CDKL5: variants seen among roughly 807,000 people sequenced by gnomAD.
CDKL5 encodes cyclin dependent kinase like 5.
In CDKL5, 8 loss-of-function variants were observed where a neutral mutation model predicts 61.7. The observed-to-expected ratio is 0.13, with a 90% CI of 0.08 to 0.23. CDKL5 has a LOEUF of 0.23. Ranked by LOEUF, CDKL5 falls within the 10% of genes least tolerant of loss-of-function variation. The pLI is 1.00. For synonymous variants in CDKL5, 275 were observed against 272.3 expected (o/e 1.01, Z -0.10); for missense variants, 440 against 734.5 (o/e 0.60, Z 4.63).
chrX:18,650,531 C>T (rs770428990), exon 21 of CDKL5: 2 of 1,211,842 alleles, frequency 1.7e-6, no homozygotes, highest in South Asian at 3.5e-5. Context: ...GAGGCACTTC[C>T]ATGTGCCCGA....
intron 1 of CDKL5, among the ~76,000 whole-genome samples, chrX:18,467,314 A>T (rs1322750717): frequency 9.0e-6 from 1 of 111,484 alleles, no homozygotes; most frequent in African/African-American, 3.3e-5. Flanking sequence ...TTTGGGTTAA[A>T]TGAAGGTTGC....
At chrX:18,435,782 A>T (rs1931596741) in intron 1 of CDKL5, among the ~76,000 whole-genome samples, 1 of 110,758 alleles carries the variant, frequency 9.0e-6, no homozygotes, top group Non-Finnish European at 1.9e-5. Context: ...GGCCAGGCTG[A>T]TTTCGAACTC....
intron 1 of CDKL5, among the ~76,000 whole-genome samples, chrX:18,471,171 T>A (rs1921081758): frequency 9.0e-6 from 1 of 110,727 alleles, no homozygotes; most frequent in Non-Finnish European, 1.9e-5. Flanking sequence ...TGGTTAAAAA[T>A]TTTTATTTTT....
chrX:18,543,381 A>AACC (rs1924090466), intron 3 of CDKL5, among the ~76,000 whole-genome samples: 1 of 109,930 alleles, frequency 9.1e-6, no homozygotes, highest in Non-Finnish European at 1.9e-5. Flanking sequence ...ACAATAAGGA[A>AACC]ACCCAGGAAC....
chrX:18,558,423 A>T (rs1924678499), intron 3 of CDKL5, among the ~76,000 whole-genome samples: 2 of 111,579 alleles, frequency 1.8e-5, no homozygotes, highest in South Asian at 7.5e-4. Context: ...CACCTTTATT[A>T]TATATCGCAT....
At chrX:18,607,259 G>T (rs769237960) in intron 12 of CDKL5, among the ~76,000 whole-genome samples, 2 of 111,491 alleles carry the variant, frequency 1.8e-5, no homozygotes, top group African/African-American at 6.5e-5. Context: ...AGCAAGAGGT[G>T]CCCATTTGCA....
intron 1 of CDKL5, among the ~76,000 whole-genome samples, chrX:18,437,904 T>G (rs1677592517): frequency 8.9e-6 from 1 of 112,048 alleles, no homozygotes; most frequent in African/African-American, 3.2e-5. Context: ...TCTTTCTTGG[T>G]GTAAAGTTGT....
intron 3 of CDKL5, among the ~76,000 whole-genome samples, chrX:18,537,808 T>C (rs944209406): frequency 1.8e-5 from 2 of 112,424 alleles, no homozygotes; most frequent in Non-Finnish European, 3.8e-5. Flanking sequence ...TCCCTTGAGA[T>C]TCACCCAAGT....
intron 20 of CDKL5, among the ~76,000 whole-genome samples, chrX:18,648,836 T>C (rs966301669): frequency 1.6e-4 from 18 of 110,345 alleles, no homozygotes; most frequent in African/African-American, 5.6e-4. Flanking sequence ...ATGCCTGTAA[T>C]CCCAGTGCTT....
rs1569219817 is a variant in CDKL5 at position 18,604,815 on chromosome X, A to G, written c.1891A>G (p.Ile631Val). Residue 631 changes from isoleucine to valine, a missense_variant, in exon 12 of 18, where the codon ATA (isoleucine) becomes GTA (valine). By Grantham distance (29) the Ile-to-Val change is conservative (BLOSUM62 3). Around this residue, in one of 2 missense-constraint regions of CDKL5, gnomAD observed 363 missense variants for 516.3 expected, o/e 0.70. Coordinates refer to ENST00000623535, the MANE Select transcript of CDKL5 (RefSeq NM_001323289.2). The part of the protein sequence containing the change: ...RAKGLDGSLS[I>V]GQGMAARANS... ...CAAGGGCTTGGATGGAAGCTTGAGC[A>G]TAGGGCAAGGGATGGCAGCTAGAGC... 8.3e-7 allele frequency: 1 copy of G among 1,211,717 alleles called. No individual in the cohort carries two copies.
chrX:18,595,301 CAT>C (rs917512647), intron 9 of CDKL5, 45 bp from the exon 10 acceptor site: 2 of 905,003 alleles, frequency 2.2e-6, no homozygotes, highest in East Asian at 3.1e-5. Context: ...CGTGCACACA[CAT>C]GTCCTTCCCC....
chrX:18,481,371 T>TCTTCCTTTC (rs1569192149), intron 1 of CDKL5, among the ~76,000 whole-genome samples: 1 of 95,903 alleles, frequency 1.0e-5, no homozygotes, highest in Non-Finnish European at 2.1e-5. Flanking sequence ...TTTCTTTCTT[T>TCTTCCTTTC]TGAGGCAGGG....
At chrX:18,456,340 CACA>C (rs1932142350) in intron 1 of CDKL5, among the ~76,000 whole-genome samples, 1 of 111,707 alleles carries the variant, frequency 9.0e-6, no homozygotes, top group African/African-American at 3.3e-5. Flanking sequence ...GCCCGCCCGT[CACA>C]ACCCAACCTT....
Position 18,628,559 on chromosome X carries a change from G to A in CDKL5, c.2685G>A (p.Pro895=). ...GCAACATCCGGCAGGAACCCGCACC[G>A]AAGGGCAGGCCAGCCCTCCAGCTGC... is the stretch of plus-strand genomic sequence containing the variant. ...GSSNIRQEPA[P]KGRPALQLPG... The change falls in exon 18 of 18, where the codon CCG becomes CCA. Residue 895 remains proline (P), a synonymous_variant. Coordinates refer to ENST00000623535, the MANE Select transcript of CDKL5 (RefSeq NM_001323289.2). The A allele has an allele frequency of 3.3e-6, 4 of 1,211,812 alleles. No individual in the cohort carries two copies. The highest frequency in any genetic ancestry group is 3.4e-6 in the Non-Finnish European group (3 of 895,471).
intron 8 of CDKL5, among the ~76,000 whole-genome samples, chrX:18,587,013 A>G (rs1925663427): frequency 8.9e-6 from 1 of 112,238 alleles, no homozygotes; most frequent in Non-Finnish European, 1.9e-5. Flanking sequence ...GTATAATGTT[A>G]ACAGTCCTTT....
intron 20 of CDKL5, among the ~76,000 whole-genome samples, chrX:18,649,236 A>G (rs1445745737): frequency 1.8e-5 from 2 of 110,210 alleles, no homozygotes; most frequent in African/African-American, 6.6e-5. Context: ...TGGCAAATAT[A>G]TTTTCCTTTT....
chrX:18,481,572 A>G (rs1303319087), intron 1 of CDKL5, among the ~76,000 whole-genome samples: 1 of 97,763 alleles, frequency 1.0e-5, no homozygotes, highest in Non-Finnish European at 2.0e-5. Flanking sequence ...CATGTTGCCC[A>G]GGCTGGTCTC....
At chrX:18,456,257 C>T (rs754172792) in intron 1 of CDKL5, among the ~76,000 whole-genome samples, 2 of 110,397 alleles carry the variant, frequency 1.8e-5, no homozygotes, top group South Asian at 3.8e-4. Context: ...CCAGGCTGGT[C>T]GAACTCCTGA....
intron 4 of CDKL5, among the ~76,000 whole-genome samples, chrX:18,574,352 T>A (rs1483641732): frequency 3.6e-5 from 4 of 111,573 alleles, no homozygotes; most frequent in Non-Finnish European, 7.5e-5. Flanking sequence ...TACCTCTCAG[T>A]GAATTTGCCC....
Sources: gnomAD v4.1 joint callset for allele counts (sites outside exome capture counted in the v4.1 genomes callset) on GRCh38, gnomAD v4.1.1 for gene constraint, gnomAD v4.1.1 regional missense constraint, MANE v1.5 for transcripts, NCBI Gene and HGNC (gene_info 2026-07-23, HGNC 2026-07-21) for gene names.